GCA: variants seen among roughly 807,000 people sequenced by gnomAD.
The protein encoded by GCA is grancalcin, EF-hand calcium-binding protein.
Under a neutral mutation model 32.6 loss-of-function variants are expected in GCA, and 30 were observed. The observed-to-expected ratio is 0.92, with a 90% CI of 0.69 to 1.25. The LOEUF is 1.25. Ranked by LOEUF, GCA falls within the 50% of genes most tolerant of loss-of-function variation. The pLI is 0.00. For missense variants in GCA, 291 were observed against 266.8 expected (o/e 1.09, Z -0.63); for synonymous variants, 102 against 84.6 (o/e 1.21, Z -1.13).
chr2:162,346,341 C>T (rs950949126), intron 1 of GCA, among the ~76,000 whole-genome samples: 1 of 152,184 alleles, frequency 6.6e-6, no homozygotes, highest in Non-Finnish European at 1.5e-5. Flanking sequence ...GTTTTCCCTT[C>T]CCAATTTGCA....
Position 162,361,320 on chromosome 2 carries a change from A to T in GCA, c.*1077A>T. On this transcript the variant is annotated 3_prime_UTR_variant, in exon 8 of 8. Coordinates refer to ENST00000437150, the MANE Select transcript of GCA (RefSeq NM_012198.5). ...AGAATCACCAGATCTTTAGTGTTTA[A>T]TATCCCTGGTATAAGATGTTATAAT... is the stretch of plus-strand genomic sequence containing the variant. The T allele has an allele frequency of 1.0e-6, 1 of 984,248 alleles. No individual in the cohort carries two copies. Among genetic ancestry groups the T allele is most frequent in the Non-Finnish European group, 1.2e-6 (1 of 829,050 alleles). 61.0% of individuals were successfully genotyped at this position (984,248 alleles called of 1,614,324 possible). A position where few individuals can be genotyped will look rare whatever the true frequency, so the allele number is the denominator to read the frequency against.
chr2:162,347,847 T>C, intron 2 of GCA, 105 bp downstream of exon 2: 1 of 597,848 alleles, frequency 1.7e-6, no homozygotes, highest in Non-Finnish European at 2.6e-6. Flanking sequence ...ATTTATATTT[T>C]ATATGTATCT....
intron 4 of GCA, among the ~76,000 whole-genome samples, chr2:162,370,152 A>G (rs1263662628): frequency 2.6e-5 from 4 of 152,192 alleles, no homozygotes; most frequent in Non-Finnish European, 4.4e-5. Context: ...CAATAGTTTT[A>G]GTAACTTGAA....
intron 1 of GCA, among the ~76,000 whole-genome samples, chr2:162,331,736 CA>C (rs1684091311): frequency 6.6e-6 from 1 of 152,158 alleles, no homozygotes; most frequent in Admixed American, 6.5e-5. Flanking sequence ...TACCCAGTCT[CA>C]GGTATTTTGT....
chr2:162,371,987 T>C, downstream of GCA: 1 of 1,613,858 alleles, frequency 6.2e-7, no homozygotes, highest in Non-Finnish European at 8.5e-7. Context: ...CTGTCTTGTT[T>C]TAAAAGTGAA....
Position 162,361,545 on chromosome 2 carries a change from T to C in GCA, c.*1302T>C. 1 of 981,832 alleles carries C rather than the reference T, an allele frequency of 1.0e-6. No homozygotes were observed. The highest frequency in any genetic ancestry group is 1.2e-6 in the Non-Finnish European group (1 of 826,874). The allele number at this position is 981,832 out of a possible 1,614,324, so 60.8% of individuals were successfully genotyped here. A position where few individuals can be genotyped will look rare whatever the true frequency, so the allele number is the denominator to read the frequency against. On this transcript the variant is annotated 3_prime_UTR_variant, in exon 8 of 8. Coordinates refer to ENST00000437150, the MANE Select transcript of GCA (RefSeq NM_012198.5). The stretch of plus-strand genomic sequence containing the variant: ...TGGATGGAGGATAGATGGCAATATC[T>C]TGAACAAAATCTTTTATAAACTTAC...
chr2:162,344,039 G>A (rs888253399), upstream of GCA: 2 of 605,000 alleles, frequency 3.3e-6, no homozygotes, highest in African/African-American at 3.7e-5. Context: ...CAGCTGAGTT[G>A]GCTCCAAAGT....
downstream of GCA, among the ~76,000 whole-genome samples, chr2:162,363,752 AAT>A (rs1685667673): frequency 2.0e-5 from 3 of 151,560 alleles, no homozygotes; most frequent in East Asian, 3.9e-4. Flanking sequence ...TGTTTTTAAA[AAT>A]ATGTTTTTCT....
chr2:162,333,565 T>G (rs1038405682), intron 1 of GCA, among the ~76,000 whole-genome samples: 1 of 152,130 alleles, frequency 6.6e-6, no homozygotes, highest in Non-Finnish European at 1.5e-5. Flanking sequence ...TCATTCATCC[T>G]TTCTCCCTGA....
In GCA at chr2:162,344,272, A is replaced by T. The variant is rs776012181; in HGVS notation, c.24A>T (p.Gly8=). The part of the protein sequence containing the change: MAYPGYG[G]GFGNFSIQVP... ...TCATGGCCTACCCGGGATACGGAGGAGGGGTGAGTCCCAGCCGCTTGGTCG... is the reference window on the plus strand; with the variant it reads ...TCATGGCCTACCCGGGATACGGAGGTGGGGTGAGTCCCAGCCGCTTGGTCG... Residue 8 remains glycine, a synonymous_variant, in exon 1 of 8, where the codon GGA becomes GGT. Coordinates refer to ENST00000437150, the MANE Select transcript of GCA (RefSeq NM_012198.5). The T allele has an allele frequency of 2.5e-6, 4 of 1,613,406 alleles. No individual in the cohort carries two copies. The South Asian group carries it at 4.4e-5, about 18-fold the overall frequency.
chr2:162,367,532 A>G (rs1196977271), downstream of GCA, among the ~76,000 whole-genome samples: 5 of 151,956 alleles, frequency 3.3e-5, no homozygotes, highest in African/African-American at 1.2e-4. Context: ...TTCAGAGTAG[A>G]TATGTTTATA....
intron 1 of GCA, among the ~76,000 whole-genome samples, chr2:162,321,303 T>C (rs1244902407): frequency 1.3e-5 from 2 of 152,232 alleles, no homozygotes; most frequent in Non-Finnish European, 2.9e-5. Context: ...CTTTTTCCTT[T>C]CTCTTTTGAG....
Position 162,363,042 on chromosome 2 carries a change from T to G in GCA, c.*2799T>G, listed in dbSNP as rs1685641926. Among the ~76,000 whole-genome samples the G allele has an allele frequency of 1.3e-5, 2 of 151,406 alleles. No individual in the cohort carries two copies. The highest frequency in any genetic ancestry group is 3.0e-5 in the Non-Finnish European group (2 of 67,518). On this transcript the variant is annotated 3_prime_UTR_variant, in exon 8 of 8. Transcript: ENST00000437150. Reference sequence around the variant, plus strand: ...ATCAATTTGTGATTATTTCTTTAAGTAAAATATAAGACATTAAGTTTGCCT... The same window carrying G: ...ATCAATTTGTGATTATTTCTTTAAGGAAAATATAAGACATTAAGTTTGCCT...
At position 162,361,538 on chromosome 2, in the gene GCA, C is replaced by A; in HGVS notation, c.*1295C>A. 1.0e-6 allele frequency: 1 copy of A among 979,946 alleles called. No homozygotes were observed. The highest frequency in any genetic ancestry group is 1.2e-6 in the Non-Finnish European group (1 of 825,334). The allele number at this position is 979,946 out of a possible 1,614,324, so 60.7% of individuals were successfully genotyped here. ...TTCTTAATGGATGGAGGATAGATGG[C>A]AATATCTTGAACAAAATCTTTTATA... On this transcript the variant is annotated 3_prime_UTR_variant, in exon 8 of 8. Transcript: ENST00000437150.
At position 162,361,996 on chromosome 2, in the gene GCA, A is replaced by C. The variant is rs944495673; in HGVS notation, c.*1753A>C. The C allele has an allele frequency of 9.2e-6, 9 of 983,072 alleles. No individual in the cohort carries two copies. In the African/African-American group the frequency reaches 1.6e-4, roughly 17 times the overall value. The allele number at this position is 983,072 out of a possible 1,614,324, so 60.9% of individuals were successfully genotyped here. On this transcript the variant is annotated 3_prime_UTR_variant, in exon 8 of 8. Transcript: ENST00000437150. The stretch of plus-strand genomic sequence containing the variant: ...GTTGAGGTAAAACTTTTAAAATGAC[A>C]AATGGTATTATTCATGTAAGCTTCT...
chr2:162,341,877 TG>T (rs560575249), upstream of GCA, among the ~76,000 whole-genome samples: 14 of 152,338 alleles, frequency 9.2e-5, no homozygotes, highest in East Asian at 2.7e-3. Context: ...TTTTCACATT[TG>T]TAAAGTGGGA....
At chr2:162,332,177 C>T (rs1043167720) in intron 1 of GCA, among the ~76,000 whole-genome samples, 8 of 151,076 alleles carry the variant, frequency 5.3e-5, no homozygotes, top group East Asian at 1.9e-4. Context: ...AGCATGGTGG[C>T]GGGCACCTGT....
chr2:162,342,680 A>G, upstream of GCA, among the ~76,000 whole-genome samples: 1 of 152,250 alleles, frequency 6.6e-6, no homozygotes, highest in East Asian at 1.9e-4. Flanking sequence ...ATGCAGCTGC[A>G]TCAATAAGGC....
chr2:162,336,145 T>C (rs936859159), intron 1 of GCA, among the ~76,000 whole-genome samples: 4 of 152,192 alleles, frequency 2.6e-5, no homozygotes, highest in East Asian at 1.9e-4. Context: ...GATAGACTTA[T>C]AGGCTGAAGC....
Sources: gnomAD v4.1 joint callset for allele counts (sites outside exome capture counted in the v4.1 genomes callset) on GRCh38, gnomAD v4.1.1 for gene constraint, MANE v1.5 for transcripts, NCBI Gene and HGNC (gene_info 2026-07-23, HGNC 2026-07-21) for gene names.